Variants in LRRC4C observed in about 807,000 individuals in gnomAD.
The protein encoded by LRRC4C is leucine-rich repeat-containing protein 4C.
In LRRC4C, 5 loss-of-function variants were observed where a neutral mutation model predicts 33.6. The ratio of observed to expected loss-of-function variants is 0.15; its 90% confidence interval spans 0.08 to 0.31. LRRC4C has a LOEUF of 0.31. LRRC4C is among the 10% of genes least tolerant of loss of function. The probability of loss-of-function intolerance (pLI) is 1.00; values close to 1 mark genes in which losing one functional copy is unlikely to be tolerated. For missense variants in LRRC4C, 560 were observed against 796.7 expected (o/e 0.70, Z 3.58); for synonymous variants, 329 against 302.0 (o/e 1.09, Z -0.93).
Position 40,881,421 on chromosome 11 carries a change from A to T in LRRC4C, c.-407+52214T>A, listed in dbSNP as rs146277145. On this transcript the variant is annotated intron_variant, in intron 2 of 6. Transcript: ENST00000528697. ...TTTCTTTGCAAGTTACTTAAGGGTAAGATATATTGGGTTTGTGTGTTTTGC... is the reference window on the plus strand; with the variant it reads ...TTTCTTTGCAAGTTACTTAAGGGTATGATATATTGGGTTTGTGTGTTTTGC... 1.6e-3 allele frequency among the ~76,000 whole-genome samples: 240 copies of T among 152,242 alleles called. 1 individual carries two copies. Among genetic ancestry groups the T allele is most frequent in the African/African-American group, 5.4e-3 (224 of 41,572 alleles).
At chr11:40,416,435 A>G (rs1000461539) in intron 3 of LRRC4C, among the ~76,000 whole-genome samples, 1 of 152,082 alleles carries the variant, frequency 6.6e-6, no homozygotes, top group Non-Finnish European at 1.5e-5. Context: ...AGGAAGAAGG[A>G]GCTAGGAATG....
intron 4 of LRRC4C, among the ~76,000 whole-genome samples, chr11:40,255,036 T>A (rs536817947): frequency 1.3e-5 from 2 of 152,114 alleles, no homozygotes; most frequent in South Asian, 2.1e-4. Context: ...GGCCTCAAAC[T>A]CCTGACCTCC....
intron 1 of LRRC4C, among the ~76,000 whole-genome samples, chr11:41,342,940 C>G (rs1202567653): frequency 6.6e-6 from 1 of 152,184 alleles, no homozygotes; most frequent in South Asian, 2.1e-4. Context: ...TATATGAGGA[C>G]TTTTCCTTGC....
At chr11:40,716,558 G>T (rs1412163820) in intron 2 of LRRC4C, among the ~76,000 whole-genome samples, 2 of 152,112 alleles carry the variant, frequency 1.3e-5, no homozygotes, top group African/African-American at 4.8e-5. Context: ...TTGGAGGTAT[G>T]TCAAGAACAG....
chr11:40,629,152 A>G (rs1045765074), intron 3 of LRRC4C, among the ~76,000 whole-genome samples: 1 of 152,296 alleles, frequency 6.6e-6, no homozygotes, highest in Middle Eastern at 3.4e-3. Context: ...ATTGGCTCTT[A>G]TAAGATAGTA....
intron 5 of LRRC4C, among the ~76,000 whole-genome samples, chr11:40,167,887 A>G (rs1289451677): frequency 1.3e-5 from 2 of 152,094 alleles, no homozygotes; most frequent in Non-Finnish European, 2.9e-5. Flanking sequence ...TCTACTAAAA[A>G]TACAAAATTA....
At position 40,206,494 on chromosome 11, in the gene LRRC4C, G is replaced by T. The variant is rs189364882; in HGVS notation, c.-96+35025C>A. On this transcript the variant is annotated intron_variant, in intron 5 of 6. Coordinates refer to ENST00000528697, the MANE Select transcript of LRRC4C (RefSeq NM_001258419.2). ...TGACCTTAAATGATCCACCTGCCTCGGCCTCCCAAAGTGCTGGGATTACAG... is the reference window on the plus strand; with the variant it reads ...TGACCTTAAATGATCCACCTGCCTCTGCCTCCCAAAGTGCTGGGATTACAG... Among the ~76,000 whole-genome samples the T allele has an allele frequency of 4.6e-5, 7 of 152,068 alleles. No individual in the cohort carries two copies. The East Asian group carries it at 5.8e-4, about 13-fold the overall frequency.
chr11:40,621,848 T>C (rs1321338954), intron 3 of LRRC4C, among the ~76,000 whole-genome samples: 1 of 151,858 alleles, frequency 6.6e-6, no homozygotes, highest in Non-Finnish European at 1.5e-5. Context: ...TTAACCAATA[T>C]AACAACTTTA....
At chr11:40,399,712 G>C (rs901604206) in intron 3 of LRRC4C, among the ~76,000 whole-genome samples, 3 of 151,624 alleles carry the variant, frequency 2.0e-5, no homozygotes, top group African/African-American at 7.3e-5. Context: ...CCACCACCAC[G>C]ACAACAACAA....
chr11:40,665,748 A>G (rs1424762695), intron 2 of LRRC4C, among the ~76,000 whole-genome samples: 1 of 152,096 alleles, frequency 6.6e-6, no homozygotes, highest in Non-Finnish European at 1.5e-5. Context: ...TATTTCCTAT[A>G]ACCGTTCTGC....
At chr11:40,726,120 T>C (rs960236481) in intron 2 of LRRC4C, among the ~76,000 whole-genome samples, 2 of 148,808 alleles carry the variant, frequency 1.3e-5, no homozygotes, top group East Asian at 2.0e-4. Context: ...AAAAGACCAA[T>C]AGTGAGTTCT....
At chr11:40,566,109 T>TTA (rs1048032166) in intron 3 of LRRC4C, among the ~76,000 whole-genome samples, 8 of 141,740 alleles carry the variant, frequency 5.6e-5, no homozygotes, top group Non-Finnish European at 1.2e-4. Flanking sequence ...TTTTTTTTTT[T>TTA]ACTTATGTCA....
chr11:40,794,508 T>C (rs1226699534), intron 2 of LRRC4C, among the ~76,000 whole-genome samples: 1 of 152,108 alleles, frequency 6.6e-6, no homozygotes, highest in East Asian at 1.9e-4. Flanking sequence ...GGACTCATGA[T>C]TTTTGTAGCA....
chr11:41,092,961 C>T (rs1232744431), intron 1 of LRRC4C, among the ~76,000 whole-genome samples: 2 of 152,166 alleles, frequency 1.3e-5, no homozygotes, highest in Non-Finnish European at 2.9e-5. Context: ...GTTTTATACA[C>T]ATTACATGTA....
intron 1 of LRRC4C, among the ~76,000 whole-genome samples, chr11:41,306,471 G>A (rs1422055351): frequency 3.3e-5 from 5 of 152,204 alleles, no homozygotes; most frequent in African/African-American, 1.2e-4. Context: ...AATGTAAAGA[G>A]TGGCAGTCTG....
At chr11:40,687,794 T>C (rs182103778) in intron 2 of LRRC4C, among the ~76,000 whole-genome samples, 59 of 152,250 alleles carry the variant, frequency 3.9e-4, no homozygotes, top group Non-Finnish European at 7.1e-4. Flanking sequence ...TGTAAATGGC[T>C]TGAAAATAAG....
chr11:40,741,147 TC>T lies in LRRC4C; in HGVS notation c.-406-92870del, dbSNP rs1241583413. Among the ~76,000 whole-genome samples, 4 of 152,086 alleles carry T rather than the reference TC, an allele frequency of 2.6e-5. No individual in the cohort carries two copies. In the South Asian group the frequency reaches 6.2e-4, roughly 24 times the overall value. ...GTAAGGAAAAAAAGCCCTAATAGGT[TC>T]TTCATACAATTATTAAGAGTAATAT... On this transcript the variant is annotated intron_variant, in intron 2 of 6. Transcript: ENST00000528697.
intron 1 of LRRC4C, among the ~76,000 whole-genome samples, chr11:41,378,249 G>C (rs1486260277): frequency 6.6e-6 from 1 of 152,068 alleles, no homozygotes; most frequent in Admixed American, 6.6e-5. Flanking sequence ...AAGAGATAAA[G>C]AACATGGGAA....
chr11:41,411,140 C>CAATTTTTTTTTTTTT (rs1954460667), intron 1 of LRRC4C, among the ~76,000 whole-genome samples: 1 of 49,918 alleles, frequency 2.0e-5, no homozygotes, highest in Admixed American at 3.3e-4. Flanking sequence ...GGTTGGTACC[C>CAATTTTTTTTTTTTT]TATTTTTTTT....
Sources: allele counts gnomAD v4.1 joint callset (sites outside exome capture counted in the v4.1 genomes callset), GRCh38; gene constraint gnomAD v4.1.1; transcripts MANE v1.5; gene names NCBI Gene and HGNC (gene_info 2026-07-23, HGNC 2026-07-21).